Variants in ACSL6 observed in about 807,000 individuals in gnomAD.
ACSL6 encodes the protein acyl-CoA synthetase long chain family member 6.
ACSL6 carries 47 observed loss-of-function variants against 98.2 expected under a neutral mutation model. The ratio of observed to expected loss-of-function variants is 0.48; its 90% CI spans 0.38 to 0.61. The LOEUF (loss-of-function observed/expected upper bound fraction) is 0.61. ACSL6 is among the 20% of genes least tolerant of loss of function. The pLI is 0.00. For missense variants in ACSL6, 761 were observed against 913.4 expected (o/e 0.83, Z 2.15); for synonymous variants, 362 against 336.9 (o/e 1.07, Z -0.82).
At chr5:131,982,994 A>G (rs1266356805) in intron 9 of ACSL6, 3 of 152,226 alleles carry the variant, frequency 2.0e-5, no homozygotes, top group Admixed American at 2.0e-4. Flanking sequence ...AATGAGCTGA[A>G]TGAGTGAATA....
In ACSL6 at chr5:131,954,212, T is replaced by C. The variant is rs965411735; in HGVS notation, c.*22A>G. ...AATATTGCTAGACAGTTCATTACAC[T>C]GAGAAGAACTTTCCTTGAACTTCAC... is the stretch of plus-strand genomic sequence containing the variant. On this transcript the variant is annotated 3_prime_UTR_variant, in exon 21 of 21. Transcript: ENST00000651883. The C allele has an allele frequency of 2.0e-5, 32 of 1,602,472 alleles. No homozygotes were observed. The Admixed American group carries it at 4.9e-4, about 24-fold the overall frequency.
At chr5:131,990,791 CT>C (rs2126901902) in intron 3 of ACSL6, 61 bp downstream of exon 3, 1 of 1,512,854 alleles carries the variant, frequency 6.6e-7, no homozygotes, top group Middle Eastern at 1.7e-4. Context: ...CATACCCACC[CT>C]TGCACCCACT....
chr5:131,989,660 A>C, intron 4 of ACSL6, 152 bp from the exon 5 acceptor site: 1 of 616,112 alleles, frequency 1.6e-6, no homozygotes, highest in African/African-American at 2.2e-5. Context: ...CAATGGCACA[A>C]TCTCTGCTCA....
Position 131,950,451 on chromosome 5 carries a change from A to C in ACSL6, c.*3783T>G, listed in dbSNP as rs1320958759. On this transcript the variant is annotated 3_prime_UTR_variant, in exon 21 of 21. Transcript: ENST00000651883. ...ATTCATAGAAAGTATTTTCTAGCAT[A>C]CTTGAGAGGAAATTCAGACTACTAG... The C allele has an allele frequency of 4.9e-6, 1 of 204,350 alleles. No homozygotes were observed. Among genetic ancestry groups the C allele is most frequent in the Non-Finnish European group, 1.0e-5 (1 of 99,850 alleles). The allele number at this position is 204,350 out of a possible 1,614,324, so 12.7% of individuals were successfully genotyped here.
rs538464700 is a variant in ACSL6 at position 131,989,367 on chromosome 5, C to G, written c.552+40G>C. 36 of 1,584,272 alleles carry G rather than the reference C, an allele frequency of 2.3e-5. 1 individual carries two copies. The South Asian group carries it at 3.7e-4, about 16-fold the overall frequency. ...CTATTCCATGGCAGCCAACCCCTAC[C>G]CCACGAATCCCTCTAAAACCAGTCA... On this transcript the variant is annotated intron_variant, in intron 5 of 20. Transcript: ENST00000651883.
intron 1 of ACSL6, among the ~76,000 whole-genome samples, chr5:131,995,252 C>A (rs545740249): frequency 2.6e-5 from 4 of 152,106 alleles, no homozygotes; most frequent in African/African-American, 9.7e-5. Context: ...CAGGGGCCTG[C>A]GGCATCCTCC....
intron 18 of ACSL6, among the ~76,000 whole-genome samples, 171 bp downstream of exon 18, chr5:131,962,364 C>A (rs188642701): frequency 3.7e-4 from 57 of 152,188 alleles, no homozygotes; most frequent in Non-Finnish European, 6.3e-4. Flanking sequence ...ATTTACTTGA[C>A]CTAATTACAT....
At chr5:131,965,635 T>C (rs1752977079) in intron 17 of ACSL6, among the ~76,000 whole-genome samples, 1 of 152,130 alleles carries the variant, frequency 6.6e-6, no homozygotes, top group Non-Finnish European at 1.5e-5. Flanking sequence ...GGCAGGAGAA[T>C]CGCTTGAACC....
In ACSL6 at chr5:131,950,495, T is replaced by C. The variant is rs1323494933; in HGVS notation, c.*3739A>G. 4.9e-6 allele frequency: 1 copy of C among 203,252 alleles called. No individual in the cohort carries two copies. Among genetic ancestry groups the C allele is most frequent in the Non-Finnish European group, 1.0e-5 (1 of 99,038 alleles). The allele number at this position is 203,252 out of a possible 1,614,324, so 12.6% of individuals were successfully genotyped here. On this transcript the variant is annotated 3_prime_UTR_variant, in exon 21 of 21. Coordinates refer to ENST00000651883, the MANE Select transcript of ACSL6 (RefSeq NM_001009185.3). ...CTACTAGGATCCTTTTTTCTTTTCA[T>C]GTAAATGCTTCCTTAAAATTAAAAC...
chr5:131,989,327 A>G, intron 5 of ACSL6, 80 bp downstream of exon 5: 1 of 1,340,080 alleles, frequency 7.5e-7, no homozygotes, highest in Middle Eastern at 1.9e-4. Context: ...GGCCCTACAA[A>G]CAGTGAAAGC....
At chr5:132,012,110 C>A, upstream of ACSL6, 1 of 684,400 alleles carries the variant, frequency 1.5e-6, no homozygotes, top group Non-Finnish European at 2.2e-6. Flanking sequence ...GGTGCACACT[C>A]CTGTGGGCTG....
At position 131,970,121 on chromosome 5, in the gene ACSL6, A is replaced by G; in HGVS notation, c.1507+7T>C. On this transcript the variant is annotated splice_region_variant and intron_variant, in intron 15 of 20. Transcript: ENST00000651883. ...CGAGCCAGTCCTATATCTCTAGCCC[A>G]TCCTACCTGAGGTCCAGTCGCCAGG... The G allele has an allele frequency of 6.2e-7, 1 of 1,614,086 alleles. No homozygotes were observed. The highest frequency in any genetic ancestry group is 8.5e-7 in the Non-Finnish European group (1 of 1,179,988).
chr5:131,966,283 C>T (rs1753006621), intron 17 of ACSL6, 133 bp downstream of exon 17: 1 of 810,932 alleles, frequency 1.2e-6, no homozygotes, highest in Non-Finnish European at 2.1e-6. Context: ...AGAGCCTCCC[C>T]CCAGGCCCCA....
chr5:132,002,411 A>ACTG (rs1561811350), intron 1 of ACSL6, among the ~76,000 whole-genome samples: 1 of 152,218 alleles, frequency 6.6e-6, no homozygotes, highest in Non-Finnish European at 1.5e-5. Context: ...TCAGAGCTCA[A>ACTG]CTGCAGGTGG....
At chr5:132,003,159 G>C (rs1200935557) in intron 1 of ACSL6, among the ~76,000 whole-genome samples, 1 of 152,186 alleles carries the variant, frequency 6.6e-6, no homozygotes, top group East Asian at 1.9e-4. Context: ...GAATATTCTG[G>C]CATCCCCATA....
intron 4 of ACSL6, 23 bp downstream of exon 4, chr5:131,990,077 G>A (rs1754422735): frequency 1.1e-5 from 18 of 1,611,940 alleles, no homozygotes; most frequent in Non-Finnish European, 1.5e-5. Context: ...TGGCCAGGGT[G>A]GGGCCTGTCC....
chr5:132,011,752 C>T, upstream of ACSL6: 2 of 1,302,052 alleles, frequency 1.5e-6, no homozygotes, highest in Non-Finnish European at 2.0e-6. This position sits in a 1 kb window ranked among gnomAD's most constrained non-coding sequence, Gnocchi z 5.4. Flanking sequence ...GCGGCGCGCA[C>T]TCGCAACCGA....
intron 17 of ACSL6, among the ~76,000 whole-genome samples, chr5:131,963,449 G>T (rs1419180300): frequency 6.6e-6 from 1 of 152,190 alleles, no homozygotes; most frequent in Non-Finnish European, 1.5e-5. Flanking sequence ...CAAGCTTCCA[G>T]CTCTTCACTG....
intron 20 of ACSL6, among the ~76,000 whole-genome samples, chr5:131,954,943 C>A (rs539544847): frequency 1.8e-4 from 27 of 152,234 alleles, no homozygotes; most frequent in African/African-American, 6.3e-4. Context: ...GTTTCTTGTT[C>A]CATAAAATAA....
Sources: allele counts gnomAD v4.1 joint callset (sites outside exome capture counted in the v4.1 genomes callset), GRCh38; gene constraint gnomAD v4.1.1; non-coding constraint Gnocchi (gnomAD v3.1); transcripts MANE v1.5; gene names NCBI Gene and HGNC (gene_info 2026-07-23, HGNC 2026-07-21).